The following CACNB2 variants were observed in gnomAD, a reference collection of about 807,000 sequenced individuals.
CACNB2 encodes the protein voltage-dependent L-type calcium channel subunit beta-2.
CACNB2 carries 42 observed loss-of-function variants against 73.3 expected under a neutral mutation model. That is an observed-to-expected ratio of 0.57 (90% CI 0.45 to 0.74). The LOEUF is 0.74. Among genes scored for constraint, CACNB2 ranks in the 30% least tolerant of loss-of-function variants. CACNB2 has a pLI of 0.00. For synonymous variants in CACNB2, 348 were observed against 310.3 expected (o/e 1.12, Z -1.28); for missense variants, 940 against 853.0 (o/e 1.10, Z -1.27).
At chr10:18,191,393 A>C (rs1174794399) in intron 2 of CACNB2, among the ~76,000 whole-genome samples, 3 of 152,176 alleles carry the variant, frequency 2.0e-5, no homozygotes, top group Admixed American at 1.3e-4. Context: ...TCAGTGATTG[A>C]TGAAGGTGGG....
At chr10:18,170,610 A>G (rs564362975) in intron 2 of CACNB2, among the ~76,000 whole-genome samples, 2 of 152,362 alleles carry the variant, frequency 1.3e-5, no homozygotes, top group East Asian at 1.9e-4. Context: ...CCCCACTGCC[A>G]TTAAAAATTA....
chr10:18,481,230 A>ATTTTT (rs1183940542), intron 3 of CACNB2, among the ~76,000 whole-genome samples: 3 of 17,986 alleles, frequency 1.7e-4, no homozygotes, highest in African/African-American at 2.4e-4. Flanking sequence ...ATATATATAT[A>ATTTTT]TTTTTTTTTT....
chr10:18,183,229 T>C (rs1588642047), intron 2 of CACNB2, among the ~76,000 whole-genome samples: 3 of 152,218 alleles, frequency 2.0e-5, no homozygotes, highest in African/African-American at 7.2e-5. Flanking sequence ...GTCTGCCATA[T>C]AGTCTGAGTT....
Position 18,399,894 on chromosome 10 carries a change from T to C in CACNB2, c.214-2030T>C, listed in dbSNP as rs141512908. Among the ~76,000 whole-genome samples, 159 of 152,342 alleles carry C rather than the reference T, an allele frequency of 1.0e-3. 3 individuals are homozygous for C. The South Asian group carries it at 0.022, about 21-fold the overall frequency. ...TAATAACTTTAGTGTCTTTCCTTCT[T>C]CAGCCTCACTCACCTCATCTACAAG... On this transcript the variant is annotated intron_variant, in intron 2 of 13. Coordinates refer to ENST00000324631, the MANE Select transcript of CACNB2 (RefSeq NM_201596.3).
At chr10:18,337,823 A>T (rs1479271633) in intron 2 of CACNB2, among the ~76,000 whole-genome samples, 3 of 152,180 alleles carry the variant, frequency 2.0e-5, no homozygotes, top group African/African-American at 2.4e-5. Context: ...GGTTCTTTTT[A>T]AAAAAGTCTC....
In CACNB2 at chr10:18,192,267, C is replaced by T. The variant is rs550057178; in HGVS notation, c.213+41292C>T. On this transcript the variant is annotated intron_variant, in intron 2 of 13. Coordinates refer to ENST00000324631, the MANE Select transcript of CACNB2 (RefSeq NM_201596.3). ...GCAGGCCTGAGTGGCATCAGACTTA[C>T]GTTCATTCATTCATTCATTCATGTA... Among the ~76,000 whole-genome samples the T allele has an allele frequency of 1.0e-4, 12 of 115,338 alleles. No individual in the cohort carries two copies. The East Asian group carries it at 2.3e-3, about 22-fold the overall frequency. 75.7% of individuals were successfully genotyped at this position (115,338 alleles called of 152,430 possible). A position where few individuals can be genotyped will look rare whatever the true frequency, so the allele number is the denominator to read the frequency against.
intron 3 of CACNB2, among the ~76,000 whole-genome samples, chr10:18,458,660 A>AT (rs35081966): frequency 4.6e-4 from 70 of 151,750 alleles, no homozygotes; most frequent in Non-Finnish European, 7.7e-4. Context: ...TAAAATCAAG[A>AT]TTTTTTTTCA....
chr10:18,419,911 A>G (rs746303389), intron 3 of CACNB2, among the ~76,000 whole-genome samples: 3 of 152,256 alleles, frequency 2.0e-5, no homozygotes, highest in Admixed American at 6.5e-5. Context: ...ATGCACTACT[A>G]TCTCTAAAGC....
intron 2 of CACNB2, among the ~76,000 whole-genome samples, chr10:18,188,350 G>A (rs12355077): frequency 6.6e-5 from 10 of 151,976 alleles, no homozygotes; most frequent in Admixed American, 2.6e-4. Context: ...CCACTCTGTT[G>A]TGCAGGGATG....
chr10:18,473,289 T>C (rs980082154), intron 3 of CACNB2, among the ~76,000 whole-genome samples: 1 of 152,198 alleles, frequency 6.6e-6, no homozygotes, highest in African/African-American at 2.4e-5. Flanking sequence ...CTGTTTTGGA[T>C]AGGAGTATTT....
At chr10:18,152,069 C>G (rs2031608938) in intron 2 of CACNB2, among the ~76,000 whole-genome samples, 1 of 152,122 alleles carries the variant, frequency 6.6e-6, no homozygotes, top group African/African-American at 2.4e-5. Flanking sequence ...TGTGGCACTC[C>G]CCAAGTGCCT....
At chr10:18,388,826 T>G (rs1263423135) in intron 2 of CACNB2, among the ~76,000 whole-genome samples, 1 of 152,208 alleles carries the variant, frequency 6.6e-6, no homozygotes, top group East Asian at 1.9e-4. Flanking sequence ...ATTATTTTCT[T>G]GCCTGTCATA....
intron 2 of CACNB2, among the ~76,000 whole-genome samples, chr10:18,370,198 T>C (rs2042519634): frequency 1.3e-5 from 2 of 152,256 alleles, no homozygotes; most frequent in African/African-American, 2.4e-5. Context: ...TTGTGGCTTC[T>C]ACTAGACTCC....
chr10:18,341,252 G>A (rs1478274935), intron 2 of CACNB2, among the ~76,000 whole-genome samples: 1 of 152,082 alleles, frequency 6.6e-6, no homozygotes. Context: ...AAATTTAGTG[G>A]AAAATGAAAA....
chr10:18,481,224 ATATATATTTTTTTTTTTT>A (rs2048741279), intron 3 of CACNB2, among the ~76,000 whole-genome samples: 1 of 13,420 alleles, frequency 7.5e-5, no homozygotes, highest in African/African-American at 3.0e-4. Flanking sequence ...ATATATATAT[ATATATATTTTTTTTTTTT>A]TTTTTTTTTT....
At chr10:18,266,894 A>G (rs1407111859) in intron 2 of CACNB2, among the ~76,000 whole-genome samples, 1 of 152,206 alleles carries the variant, frequency 6.6e-6, no homozygotes, top group Non-Finnish European at 1.5e-5. Flanking sequence ...ATCTCTAAAT[A>G]AATAAATAAG....
At chr10:18,362,530 T>C (rs1369581462) in intron 2 of CACNB2, among the ~76,000 whole-genome samples, 2 of 152,234 alleles carry the variant, frequency 1.3e-5, no homozygotes, top group African/African-American at 2.4e-5. Context: ...CATAGGTGAA[T>C]TGACTTAAAA....
In CACNB2 at chr10:18,484,883, G is replaced by A. The variant is rs146788672; in HGVS notation, c.334-13472G>A. ...ATAAAACAAAATCCTGGCTGGGCGCGATGGCTCACGCCTGTAATCTGAGCA... is the reference window on the plus strand; with the variant it reads ...ATAAAACAAAATCCTGGCTGGGCGCAATGGCTCACGCCTGTAATCTGAGCA... On this transcript the variant is annotated intron_variant, in intron 3 of 13. Transcript: ENST00000324631. Among the ~76,000 whole-genome samples the A allele has an allele frequency of 7.9e-5, 12 of 152,224 alleles. No homozygotes were observed. The East Asian group carries it at 1.9e-3, about 25-fold the overall frequency.
At chr10:18,496,814 CAAAA>C (rs905870687) in intron 3 of CACNB2, among the ~76,000 whole-genome samples, 2 of 45,190 alleles carry the variant, frequency 4.4e-5, no homozygotes, top group Middle Eastern at 0.012. Flanking sequence ...AACTCCGCCT[CAAAA>C]AAAAAAAAAA....
Sources: allele counts gnomAD v4.1 joint callset (sites outside exome capture counted in the v4.1 genomes callset), GRCh38; gene constraint gnomAD v4.1.1; transcripts MANE v1.5; gene names NCBI Gene and HGNC (gene_info 2026-07-23, HGNC 2026-07-21).